The following TBC1D9B variants were observed in gnomAD, a reference collection of about 807,000 sequenced individuals.
The protein encoded by TBC1D9B is TBC1 domain family member 9B.
A neutral mutation model predicts 121.1 loss-of-function variants in TBC1D9B; 87 were observed. That is an observed-to-expected ratio of 0.72 (90% CI 0.60 to 0.86). The LOEUF is 0.86. TBC1D9B is among the 40% of genes least tolerant of loss of function. The pLI, the probability that TBC1D9B is intolerant of heterozygous loss-of-function variation, is 0.00. For synonymous variants in TBC1D9B, 668 were observed against 670.1 expected (o/e 1.00, Z 0.05); for missense variants, 1,540 against 1,628.6 (o/e 0.95, Z 0.94).
intron 12 of TBC1D9B, among the ~76,000 whole-genome samples, chr5:179,873,516 C>A (rs920348168): frequency 4.6e-5 from 7 of 152,236 alleles, no homozygotes; most frequent in Non-Finnish European, 4.4e-5. Flanking sequence ...GGGGGGGTCC[C>A]TTGGGCAGGA....
chr5:179,870,091 T>C (rs1400425214), intron 16 of TBC1D9B, among the ~76,000 whole-genome samples, 164 bp downstream of exon 16: 1 of 152,038 alleles, frequency 6.6e-6, no homozygotes, highest in African/African-American at 2.4e-5. Context: ...CTGGACCCCA[T>C]CTCGGCTCCC....
intron 14 of TBC1D9B, 26 bp downstream of exon 14, chr5:179,872,866 C>CCCCCCCCCCCCCCCCGGGG: frequency 6.4e-7 from 1 of 1,566,246 alleles, no homozygotes; most frequent in Non-Finnish European, 8.7e-7. Context: ...AGCCCAGCCC[C>CCCCCCCCCCCCCCCCGGGG]TGCCCAGCCC....
At chr5:179,877,976 C>A (rs1760407615) in intron 10 of TBC1D9B, among the ~76,000 whole-genome samples, 1 of 152,106 alleles carries the variant, frequency 6.6e-6, no homozygotes, top group Non-Finnish European at 1.5e-5. Flanking sequence ...CGGTGACGGG[C>A]GTGCAACAGT....
chr5:179,891,558 A>G lies in TBC1D9B; in HGVS notation c.865T>C (p.Cys289Arg), dbSNP rs1322825223. 1.2e-6 allele frequency: 2 copies of G among 1,613,520 alleles called. No individual in the cohort carries two copies. Among genetic ancestry groups the G allele is most frequent in the Non-Finnish European group, 1.7e-6 (2 of 1,179,924 alleles). Residue 289 changes from cysteine (C) to arginine (R), a missense_variant, in exon 6 of 21, where the codon TGC (cysteine) becomes CGC (arginine). Cys to Arg is a radical substitution (Grantham distance 180, BLOSUM62 -3). Transcript: ENST00000355235. The surrounding 1 kb of genome is among the most constrained non-coding windows in gnomAD (Gnocchi z 4.3). ...GGCAGCCGGAACGTGGCTCGGTAGC[A>G]CTCATTCTTGGCTCGGGCGTCCAGG... The part of the protein sequence containing the change: ...RDLDARAKNE[C>R]YRATFRLPRD...
chr5:179,877,664 C>CAAAAAAAAAAAAAAAAAAAAAAA (rs564753950), intron 10 of TBC1D9B, among the ~76,000 whole-genome samples: 1 of 66,696 alleles, frequency 1.5e-5, no homozygotes, highest in Non-Finnish European at 3.5e-5. Flanking sequence ...GATTCTATCT[C>CAAAAAAAAAAAAAAAAAAAAAAA]AAAAAAAAAA....
At chr5:179,887,217 G>A (rs576568453) in intron 7 of TBC1D9B, among the ~76,000 whole-genome samples, 1 of 152,234 alleles carries the variant, frequency 6.6e-6, no homozygotes, top group Non-Finnish European at 1.5e-5. Flanking sequence ...CTGGCCACTG[G>A]CCGCTGGATC....
chr5:179,863,586 G>A lies in TBC1D9B; in HGVS notation c.3564C>T (p.Ala1188=). 6.2e-7 allele frequency: 1 copy of A among 1,614,180 alleles called. No homozygotes were observed. Among genetic ancestry groups the A allele is most frequent in the Non-Finnish European group, 8.5e-7 (1 of 1,180,054 alleles). ...CCAGCACGGACTCCGTCAGGATGGAGGCCAGGATCTGCTCAAAGGAGATGC... is the reference window on the plus strand; with the variant it reads ...CCAGCACGGACTCCGTCAGGATGGAAGCCAGGATCTGCTCAAAGGAGATGC... ...DWCISFEQIL[A]SILTESVLVN... The change falls in exon 21 of 21, where the codon GCC becomes GCT. Residue 1188 remains alanine, a synonymous_variant. Coordinates refer to ENST00000355235, the MANE Select transcript of TBC1D9B (RefSeq NM_015043.4). The surrounding 1 kb of genome is among the most constrained non-coding windows in gnomAD (Gnocchi z 4.5).
rs962117528 is a variant in TBC1D9B at position 179,890,072 on chromosome 5, T to A, written c.1044+1307A>T. ...ACGTGGCTTTTACCTGGGCAAAGGG[T>A]GGAAGAGGGGTCACTTCCCGAGGGA... is the stretch of plus-strand genomic sequence containing the variant. On this transcript the variant is annotated intron_variant, in intron 6 of 20. Transcript: ENST00000355235. The surrounding 1 kb of genome is among the most constrained non-coding windows in gnomAD (Gnocchi z 5.0). 6.6e-6 allele frequency among the ~76,000 whole-genome samples: 1 copy of A among 151,656 alleles called. No individual in the cohort carries two copies. The highest frequency in any genetic ancestry group is 1.5e-5 in the Non-Finnish European group (1 of 67,892).
intron 2 of TBC1D9B, among the ~76,000 whole-genome samples, chr5:179,900,095 C>A (rs1175150713): frequency 6.6e-6 from 1 of 152,116 alleles, no homozygotes; most frequent in Non-Finnish European, 1.5e-5. Flanking sequence ...TGGCATGCAC[C>A]TGTGGTCCCA....
Position 179,863,475 on chromosome 5 carries a change from G to T in TBC1D9B, c.3675C>A (p.Asp1225Glu). Residue 1225 changes from aspartate (D) to glutamate (E), a missense_variant, in exon 21 of 21, where the codon GAC becomes GAA. Asp to Glu is a conservative substitution (Grantham distance 45). Coordinates refer to ENST00000355235, the MANE Select transcript of TBC1D9B (RefSeq NM_015043.4). This position sits in a 1 kb window ranked among gnomAD's most constrained non-coding sequence, Gnocchi z 4.5. The stretch of plus-strand genomic sequence containing the variant: ...AGCCGGAAACTCCAGGCTGCTCATG[G>T]TCACTGGCGGTGCTGAACTGTCTCT... ...KVERQFSTAS[D>E]HEQPGVSG is the part of the protein sequence containing the mutation. 1 of 1,614,156 alleles carries T rather than the reference G, an allele frequency of 6.2e-7. No individual in the cohort carries two copies. Among genetic ancestry groups the T allele is most frequent in the Non-Finnish European group, 8.5e-7 (1 of 1,179,978 alleles).
chr5:179,864,671 C>T (rs957089035), intron 20 of TBC1D9B, among the ~76,000 whole-genome samples: 3 of 152,214 alleles, frequency 2.0e-5, no homozygotes, highest in African/African-American at 7.2e-5. Context: ...GAAGAATCCT[C>T]ATCGCACGTG....
At chr5:179,895,884 G>A (rs1761004782) in intron 3 of TBC1D9B, among the ~76,000 whole-genome samples, 1 of 152,170 alleles carries the variant, frequency 6.6e-6, no homozygotes, top group South Asian at 2.1e-4. Context: ...TTTGACATAA[G>A]AAGTATTTTG....
chr5:179,905,189 G>C (rs2113655181), intron 1 of TBC1D9B, among the ~76,000 whole-genome samples: 1 of 152,240 alleles, frequency 6.6e-6, no homozygotes, highest in South Asian at 2.1e-4. Context: ...ACACGTTAAA[G>C]TTAAAAAAGA....
chr5:179,877,245 G>A (rs1289442565), intron 10 of TBC1D9B, among the ~76,000 whole-genome samples: 1 of 151,762 alleles, frequency 6.6e-6, no homozygotes, highest in East Asian at 1.9e-4. Context: ...GCTGGGTGTG[G>A]TGGTACATGC....
At position 179,881,800 on chromosome 5, in the gene TBC1D9B, C is replaced by T. The variant is rs112619591; in HGVS notation, c.1255-2011G>A. On this transcript the variant is annotated intron_variant, in intron 7 of 20. Transcript: ENST00000355235. ...CTCTTTTTAAGATGTCAGTTCCCTA[C>T]TACAAGCAATATTGAAATTAGCTAG... Among the ~76,000 whole-genome samples the T allele has an allele frequency of 5.1e-3, 784 of 152,270 alleles. 3 individuals carry two copies. The highest frequency in any genetic ancestry group is 0.018 in the African/African-American group (743 of 41,550).
intron 6 of TBC1D9B, among the ~76,000 whole-genome samples, chr5:179,889,749 C>A (rs1322727063): frequency 4.0e-5 from 6 of 151,876 alleles, no homozygotes; most frequent in African/African-American, 1.5e-4. Flanking sequence ...TGGCAAGCAT[C>A]TGCTGTCCCA....
chr5:179,874,871 C>G lies in TBC1D9B; in HGVS notation c.2186+31G>C, dbSNP rs1348087773. ...GCTGGTGAGGGGTTCTGCTGTGAGC[C>G]CCCAGCAGGAGAAGGAACCCGGCAT... is the stretch of plus-strand genomic sequence containing the variant. On this transcript the variant is annotated intron_variant, in intron 12 of 20. Transcript: ENST00000355235. The surrounding 1 kb of genome is among the most constrained non-coding windows in gnomAD (Gnocchi z 4.3). The G allele has an allele frequency of 6.2e-7, 1 of 1,605,780 alleles. No homozygotes were observed. The highest frequency in any genetic ancestry group is 1.3e-5 in the African/African-American group (1 of 74,830).
In TBC1D9B at chr5:179,906,487, TATGACACACTGGCGCGCTG is replaced by T. The variant is rs573344507; in HGVS notation, c.118+1198_118+1216del. 3.6e-3 allele frequency among the ~76,000 whole-genome samples: 551 copies of T among 152,320 alleles called. 3 individuals carry two copies. Among genetic ancestry groups the T allele is most frequent in the African/African-American group, 0.012 (518 of 41,568 alleles). On this transcript the variant is annotated intron_variant, in intron 1 of 20. Transcript: ENST00000355235. ...CAAGTGTTTCAAGTACACCAGCGAA[TATGACACACTGGCGCGCTG>T]ATGACACCCTGGCGCGCTGGCGGAA...
Position 179,863,511 on chromosome 5 carries a change from T to C in TBC1D9B, c.3639A>G (p.Gln1213=), listed in dbSNP as rs759217618. Residue 1213 remains glutamine, a synonymous_variant, in exon 21 of 21, where the codon CAA becomes CAG. Coordinates refer to ENST00000355235, the MANE Select transcript of TBC1D9B (RefSeq NM_015043.4). This position sits in a 1 kb window ranked among gnomAD's most constrained non-coding sequence, Gnocchi z 4.5. ...RVDIGLKIKD[Q]KKVERQFSTA... Reference sequence around the variant, plus strand: ...TGCTGAACTGTCTCTCCACTTTCTTTTGGTCCTTGATCTTGAGTCCAATGT... The same window carrying C: ...TGCTGAACTGTCTCTCCACTTTCTTCTGGTCCTTGATCTTGAGTCCAATGT... 4.3e-6 allele frequency: 7 copies of C among 1,614,170 alleles called. No homozygotes were observed. The highest frequency in any genetic ancestry group is 5.1e-6 in the Non-Finnish European group (6 of 1,180,034).
Sources: allele counts gnomAD v4.1 joint callset (sites outside exome capture counted in the v4.1 genomes callset), GRCh38; gene constraint gnomAD v4.1.1; non-coding constraint Gnocchi (gnomAD v3.1); transcripts MANE v1.5; gene names NCBI Gene and HGNC (gene_info 2026-07-23, HGNC 2026-07-21).